The following CSNK1G1 variants were observed in gnomAD, a reference collection of about 807,000 sequenced individuals.
CSNK1G1 encodes the protein casein kinase I isoform gamma-1.
In CSNK1G1, 22 loss-of-function variants were observed where a neutral mutation model predicts 59.6. That is an observed-to-expected ratio of 0.37 (90% CI 0.26 to 0.53). The LOEUF (loss-of-function observed/expected upper bound fraction) is 0.53. Ranked by LOEUF, CSNK1G1 falls within the 20% of genes least tolerant of loss-of-function variation. The probability of loss-of-function intolerance (pLI) is 0.89; values close to 1 mark genes in which losing one functional copy is unlikely to be tolerated. For missense variants in CSNK1G1, 384 were observed against 519.5 expected (o/e 0.74, Z 2.54); for synonymous variants, 179 against 177.1 (o/e 1.01, Z -0.08).
chr15:64,186,227 C>T (rs775404485), intron 10 of CSNK1G1, among the ~76,000 whole-genome samples: 1 of 152,184 alleles, frequency 6.6e-6, no homozygotes, highest in Non-Finnish European at 1.5e-5. Flanking sequence ...CTGCCTCAGC[C>T]TCCCAAGTAG....
intron 1 of CSNK1G1, among the ~76,000 whole-genome samples, 185 bp downstream of exon 1, chr15:64,355,803 T>C (rs941947416): frequency 6.6e-6 from 1 of 152,258 alleles, no homozygotes; most frequent in East Asian, 1.9e-4. Context: ...CCACCCGCTG[T>C]GTCCCTCAGC....
At chr15:64,301,777 C>A (rs1468057308) in intron 1 of CSNK1G1, among the ~76,000 whole-genome samples, 2 of 151,988 alleles carry the variant, frequency 1.3e-5, no homozygotes, top group African/African-American at 4.8e-5. Context: ...ATCCCAGCTA[C>A]TCGGGAGGCT....
intron 2 of CSNK1G1, among the ~76,000 whole-genome samples, chr15:64,299,188 T>C (rs150763539): frequency 7.6e-4 from 116 of 152,264 alleles, no homozygotes; most frequent in African/African-American, 2.6e-3. Context: ...GAAAACACTT[T>C]AGCCTAAAAG....
chr15:64,207,649 G>A (rs900743024), intron 6 of CSNK1G1, 55 bp from the exon 7 acceptor site: 69 of 1,376,760 alleles, frequency 5.0e-5, no homozygotes, highest in Non-Finnish European at 6.8e-5. Context: ...GCAGAAAGAG[G>A]TTCAAAACCA....
Position 64,240,910 on chromosome 15 carries a change from T to C in CSNK1G1, c.292+10602A>G, listed in dbSNP as rs115880098. On this transcript the variant is annotated intron_variant, in intron 4 of 11. Transcript: ENST00000303052. ...GAAAAAGAAAAAGAATCAAACCGTA[T>C]CACTACAGAAAACCACCAAGTTGCG... Among the ~76,000 whole-genome samples the C allele has an allele frequency of 8.3e-3, 1,260 of 152,080 alleles. 17 individuals carry two copies. Among genetic ancestry groups the C allele is most frequent in the African/African-American group, 0.029 (1,205 of 41,460 alleles).
chr15:64,252,277 T>C (rs1463407097), intron 3 of CSNK1G1, among the ~76,000 whole-genome samples: 1 of 151,474 alleles, frequency 6.6e-6, no homozygotes, highest in East Asian at 1.9e-4. Flanking sequence ...TAAGACAGGG[T>C]CTTGCACACT....
intron 4 of CSNK1G1, among the ~76,000 whole-genome samples, chr15:64,230,774 C>T (rs941975286): frequency 6.6e-6 from 1 of 151,946 alleles, no homozygotes; most frequent in African/African-American, 2.4e-5. Flanking sequence ...AGATTGAGAC[C>T]ATCCTGGCTA....
chr15:64,189,351 C>A, intron 10 of CSNK1G1: 2 of 1,206,038 alleles, frequency 1.7e-6, no homozygotes, highest in Non-Finnish European at 2.1e-6. Context: ...CTGCTTTTTA[C>A]ATCTGCTACT....
intron 2 of CSNK1G1, among the ~76,000 whole-genome samples, chr15:64,284,986 T>A (rs1894333367): frequency 6.6e-6 from 1 of 152,128 alleles, no homozygotes; most frequent in South Asian, 2.1e-4. Flanking sequence ...TAGAGTAGAA[T>A]AAAACTATTG....
chr15:64,180,314 A>G (rs1466880125), intron 11 of CSNK1G1, 34 bp downstream of exon 11: 6 of 1,523,084 alleles, frequency 3.9e-6, no homozygotes, highest in Admixed American at 1.7e-5. Context: ...TTTTCAACCC[A>G]TGACTTAAGA....
Position 64,188,598 on chromosome 15 carries a change from T to C in CSNK1G1, c.1108-8144A>G, listed in dbSNP as rs983688890. On this transcript the variant is annotated intron_variant, in intron 10 of 11. Coordinates refer to ENST00000303052, the MANE Select transcript of CSNK1G1 (RefSeq NM_022048.5). This position sits in a 1 kb window ranked among gnomAD's most constrained non-coding sequence, Gnocchi z 4.2. ...TCCCTGTAGGTTTTTCTTTCGGTTT[T>C]GGATTTTAAACTAACAACCACTGGA... 1.3e-6 allele frequency: 1 copy of C among 788,848 alleles called. No homozygotes were observed. Among genetic ancestry groups the C allele is most frequent in the Non-Finnish European group, 2.0e-6 (1 of 495,972 alleles). 48.9% of individuals were successfully genotyped at this position (788,848 alleles called of 1,614,324 possible). A position where few individuals can be genotyped will look rare whatever the true frequency, so the allele number is the denominator to read the frequency against.
At chr15:64,217,501 T>C (rs1486362981) in intron 4 of CSNK1G1, among the ~76,000 whole-genome samples, 1 of 152,164 alleles carries the variant, frequency 6.6e-6, no homozygotes, top group Non-Finnish European at 1.5e-5. Flanking sequence ...ATATAACTGG[T>C]ACCATGAGAA....
intron 10 of CSNK1G1, among the ~76,000 whole-genome samples, chr15:64,187,916 G>C (rs79410687): frequency 0.043 from 6,518 of 152,184 alleles, 156 homozygotes; most frequent in South Asian, 0.078. Context: ...AACTTCCTGG[G>C]TACCCACTCA....
At chr15:64,286,374 TATTGTTAACAATATATTGTTAA>T (rs1894422265) in intron 2 of CSNK1G1, among the ~76,000 whole-genome samples, 1 of 151,542 alleles carries the variant, frequency 6.6e-6, no homozygotes, top group African/African-American at 2.4e-5. Flanking sequence ...TTGTTAACAA[TATTGTTAACAATATATTGTTAA>T]CTCATATTGT....
chr15:64,350,056 C>T (rs79219498), intron 1 of CSNK1G1, among the ~76,000 whole-genome samples: 6,791 of 152,114 alleles, frequency 0.045, 168 homozygotes, highest in South Asian at 0.093. Context: ...TTTAAGTAAG[C>T]TTGTTTTAAG....
In CSNK1G1 at chr15:64,170,962, C is replaced by T. The variant is rs1203911868; in HGVS notation, c.*969G>A. On this transcript the variant is annotated 3_prime_UTR_variant, in exon 12 of 12. Transcript: ENST00000303052. ...AAATTCAAGTATGTTTTCTTGCCAA[C>T]CTGAGTGTTCACTCAGAATGACACC... 6.6e-6 allele frequency: 1 copy of T among 152,486 alleles called. No individual in the cohort carries two copies. The highest frequency in any genetic ancestry group is 2.4e-5 in the African/African-American group (1 of 41,384). The allele number at this position is 152,486 out of a possible 1,614,324, so 9.4% of individuals were successfully genotyped here. A position where few individuals can be genotyped will look rare whatever the true frequency, so the allele number is the denominator to read the frequency against.
chr15:64,208,889 CTTT>C (rs201279267), intron 6 of CSNK1G1, among the ~76,000 whole-genome samples: 19 of 136,568 alleles, frequency 1.4e-4, no homozygotes, highest in East Asian at 2.1e-4. Flanking sequence ...TTTCTTTTTT[CTTT>C]TTTTTTTTTT....
intron 2 of CSNK1G1, among the ~76,000 whole-genome samples, chr15:64,271,475 G>A (rs866708266): frequency 6.6e-6 from 1 of 151,938 alleles, no homozygotes; most frequent in African/African-American, 2.4e-5. Context: ...TTTTAGTAGA[G>A]ACAGGGTCTC....
chr15:64,325,028 C>T (rs1167753272), intron 1 of CSNK1G1, among the ~76,000 whole-genome samples: 1 of 152,110 alleles, frequency 6.6e-6, no homozygotes, highest in Non-Finnish European at 1.5e-5. Flanking sequence ...AGCAGGGTAA[C>T]TATTGAACAT....
Sources: gnomAD v4.1 joint callset for allele counts (sites outside exome capture counted in the v4.1 genomes callset) on GRCh38, gnomAD v4.1.1 for gene constraint, Gnocchi (gnomAD v3.1) non-coding constraint, MANE v1.5 for transcripts, NCBI Gene and HGNC (gene_info 2026-07-23, HGNC 2026-07-21) for gene names.